TRPC4: variants seen among roughly 807,000 people sequenced by gnomAD.
TRPC4 encodes short transient receptor potential channel 4.
Under a neutral mutation model 99.4 loss-of-function variants are expected in TRPC4, and 49 were observed. That is an observed-to-expected ratio of 0.49 (90% CI 0.39 to 0.63). The LOEUF is 0.63. Ranked by LOEUF, TRPC4 falls within the 20% of genes least tolerant of loss-of-function variation. The pLI is 0.00. For missense variants in TRPC4, 898 were observed against 1,152.9 expected (o/e 0.78, Z 3.20); for synonymous variants, 454 against 425.9 (o/e 1.07, Z -0.81).
chr13:37,800,584 G>A (rs953432104), intron 1 of TRPC4, among the ~76,000 whole-genome samples: 7 of 152,068 alleles, frequency 4.6e-5, no homozygotes, highest in African/African-American at 1.4e-4. Context: ...ATGAAAATAT[G>A]AATGTATTAC....
At chr13:37,790,319 A>G (rs1957083942) in intron 1 of TRPC4, among the ~76,000 whole-genome samples, 1 of 152,170 alleles carries the variant, frequency 6.6e-6, no homozygotes, top group Non-Finnish European at 1.5e-5. Flanking sequence ...TGGACATGTA[A>G]GAATAACTCC....
chr13:37,681,174 G>A (rs1490815261), intron 4 of TRPC4, among the ~76,000 whole-genome samples: 1 of 152,156 alleles, frequency 6.6e-6, no homozygotes, highest in Non-Finnish European at 1.5e-5. Flanking sequence ...GGTTAAAGGA[G>A]ATGAAACTTC....
chr13:37,833,345 T>G (rs909068657), intron 1 of TRPC4, among the ~76,000 whole-genome samples: 3 of 152,230 alleles, frequency 2.0e-5, no homozygotes, highest in Non-Finnish European at 4.4e-5. Context: ...AAAGAAGTTT[T>G]GCTTGGACAA....
chr13:37,834,048 C>T (rs1280582193), intron 1 of TRPC4, among the ~76,000 whole-genome samples: 1 of 152,078 alleles, frequency 6.6e-6, no homozygotes, highest in African/African-American at 2.4e-5. Context: ...GCTATATTTG[C>T]ATTTTTCACA....
intron 1 of TRPC4, among the ~76,000 whole-genome samples, chr13:37,794,027 G>T (rs1957187577): frequency 6.6e-6 from 1 of 152,016 alleles, no homozygotes; most frequent in Admixed American, 6.6e-5. Context: ...AAAATGTTCA[G>T]GTATTAAAAT....
chr13:37,802,060 C>T (rs549528483), intron 1 of TRPC4, among the ~76,000 whole-genome samples: 44 of 152,162 alleles, frequency 2.9e-4, no homozygotes, highest in Admixed American at 9.8e-4. Flanking sequence ...TTGTTGAATG[C>T]TTAATCTGTA....
chr13:37,765,354 A>T (rs1956335353), intron 2 of TRPC4, among the ~76,000 whole-genome samples: 1 of 151,398 alleles, frequency 6.6e-6, no homozygotes, highest in African/African-American at 2.4e-5. Flanking sequence ...TTTAAGCTTT[A>T]TAGTCTTGTT....
In TRPC4 at chr13:37,694,517, G is replaced by A. The variant is rs1467526576; in HGVS notation, c.898-2182C>T. 2.6e-5 allele frequency among the ~76,000 whole-genome samples: 4 copies of A among 152,186 alleles called. No individual in the cohort carries two copies. In the East Asian group the frequency reaches 7.7e-4, roughly 29 times the overall value. On this transcript the variant is annotated intron_variant, in intron 3 of 10. Coordinates refer to ENST00000379705, the MANE Select transcript of TRPC4 (RefSeq NM_016179.4). ...AAGGTTTGTTTGAATTAATATTTTT[G>A]TTGCTGGATACACACATATATACTC...
At chr13:37,797,898 A>T (rs1318832083) in intron 1 of TRPC4, among the ~76,000 whole-genome samples, 2 of 152,138 alleles carry the variant, frequency 1.3e-5, no homozygotes, top group Non-Finnish European at 2.9e-5. Flanking sequence ...CAACCCTATG[A>T]CATTGTGATC....
intron 1 of TRPC4, among the ~76,000 whole-genome samples, chr13:37,802,396 T>G (rs973177838): frequency 6.6e-6 from 1 of 152,110 alleles, no homozygotes; most frequent in Non-Finnish European, 1.5e-5. Context: ...TTTGTGACAA[T>G]GTCGGAGTTG....
chr13:37,758,440 A>G (rs1347811041), intron 2 of TRPC4, among the ~76,000 whole-genome samples: 1 of 151,832 alleles, frequency 6.6e-6, no homozygotes, highest in African/African-American at 2.4e-5. Flanking sequence ...CAAAACCAGT[A>G]GCAAAACTCA....
intron 3 of TRPC4, among the ~76,000 whole-genome samples, chr13:37,736,393 T>C (rs1452679992): frequency 6.6e-6 from 1 of 152,186 alleles, no homozygotes; most frequent in East Asian, 1.9e-4. Context: ...TTCTGCCTTA[T>C]ATCTTTTTTC....
intron 6 of TRPC4, among the ~76,000 whole-genome samples, chr13:37,656,499 A>G (rs1246381360): frequency 6.6e-6 from 1 of 151,980 alleles, no homozygotes; most frequent in Non-Finnish European, 1.5e-5. Context: ...CTTGTGTAAG[A>G]CTCTGGAGCT....
At chr13:37,844,751 C>T (rs887912281) in intron 1 of TRPC4, among the ~76,000 whole-genome samples, 13 of 152,108 alleles carry the variant, frequency 8.5e-5, no homozygotes, top group Non-Finnish European at 1.9e-4. Flanking sequence ...TGCATGTAAA[C>T]CAGTAACTCC....
intron 8 of TRPC4, among the ~76,000 whole-genome samples, chr13:37,649,680 C>T (rs908325301): frequency 1.6e-5 from 2 of 126,900 alleles, no homozygotes; most frequent in African/African-American, 3.0e-5. Context: ...CTTGCAGAGT[C>T]GCGATCATGC....
intron 3 of TRPC4, among the ~76,000 whole-genome samples, chr13:37,727,417 G>A (rs567566022): frequency 6.6e-6 from 1 of 151,632 alleles, no homozygotes; most frequent in Non-Finnish European, 1.5e-5. Flanking sequence ...TGAGACACAA[G>A]GATAGCAGAG....
intron 2 of TRPC4, among the ~76,000 whole-genome samples, chr13:37,756,542 T>TC (rs1230744890): frequency 6.6e-6 from 1 of 151,438 alleles, no homozygotes; most frequent in Non-Finnish European, 1.5e-5. Flanking sequence ...TTTCTTTTTT[T>TC]TTTTTTCTGA....
chr13:37,731,253 T>G (rs1955230964), intron 3 of TRPC4, among the ~76,000 whole-genome samples: 1 of 152,048 alleles, frequency 6.6e-6, no homozygotes, highest in Admixed American at 6.6e-5. Context: ...TTCTTACATA[T>G]TCATTCATTG....
At chr13:37,772,020 G>T (rs926309151) in intron 2 of TRPC4, among the ~76,000 whole-genome samples, 1 of 151,538 alleles carries the variant, frequency 6.6e-6, no homozygotes, top group African/African-American at 2.4e-5. Context: ...GGAGGAGAGA[G>T]AAATTACTGT....
Sources: allele counts gnomAD v4.1 joint callset (sites outside exome capture counted in the v4.1 genomes callset), GRCh38; gene constraint gnomAD v4.1.1; transcripts MANE v1.5; gene names NCBI Gene and HGNC (gene_info 2026-07-23, HGNC 2026-07-21).